The following VIPAS39 variants were observed in gnomAD, a reference collection of about 807,000 sequenced individuals.
VIPAS39 encodes the protein spermatogenesis-defective protein 39 homolog.
In VIPAS39, 63 loss-of-function variants were observed where a neutral mutation model predicts 84.7. The ratio of observed to expected loss-of-function variants is 0.74; its 90% CI spans 0.61 to 0.92. VIPAS39 has a LOEUF of 0.92. Among genes scored for constraint, VIPAS39 ranks in the 40% least tolerant of loss-of-function variants. The pLI is 0.00. For synonymous variants in VIPAS39, 192 were observed against 216.5 expected (o/e 0.89, Z 0.99); for missense variants, 499 against 604.5 (o/e 0.83, Z 1.83).
rs2078727902 is a variant in VIPAS39 at position 77,443,103 on chromosome 14, T to C, written c.631+16A>G. The C allele has an allele frequency of 6.2e-7, 1 of 1,614,116 alleles. No homozygotes were observed. Among genetic ancestry groups the C allele is most frequent in the Admixed American group, 1.7e-5 (1 of 60,012 alleles). ...GACACCTTGCTGACTGAAGATTTCC[T>C]GCAAGCCATTCTCACCTTTGCTCAG... On this transcript the variant is annotated intron_variant, in intron 9 of 19. Coordinates refer to ENST00000557658, the MANE Select transcript of VIPAS39 (RefSeq NM_001193315.2).
chr14:77,433,264 A>T (rs2078552079), intron 16 of VIPAS39, among the ~76,000 whole-genome samples: 2 of 151,944 alleles, frequency 1.3e-5, no homozygotes, highest in African/African-American at 4.8e-5. Context: ...GCAATGGTGC[A>T]ATCTTGGCTC....
chr14:77,442,535 T>C, intron 10 of VIPAS39, 25 bp downstream of exon 10: 1 of 1,589,080 alleles, frequency 6.3e-7, no homozygotes, highest in Non-Finnish European at 8.6e-7. Context: ...TACTAAACTT[T>C]ATAGACCAGA....
At chr14:77,448,625 A>G in intron 6 of VIPAS39, 75 bp from the exon 7 acceptor site, 1 of 1,482,540 alleles carries the variant, frequency 6.7e-7, no homozygotes, top group Non-Finnish European at 9.4e-7. Flanking sequence ...CCTCAACTCA[A>G]ACTCAGTCTT....
At position 77,453,302 on chromosome 14, in the gene VIPAS39, C is replaced by T. The variant is rs1465196978; in HGVS notation, c.193G>A (p.Gly65Arg). Reference protein sequence around the residue: ...ERVSWSGEPVGSISWSIRETA... With the variant: ...ERVSWSGEPVRSISWSIRETA... ...GCCTAGGGACTCTTCTACTTACTTC[C>T]CACAGGTTCCCCACTCCAGCTGACT... Residue 65 changes from glycine (G) to arginine (R), a missense_variant, in exon 3 of 20, where the codon GGA becomes AGA. Transcript: ENST00000557658. 3.7e-6 allele frequency: 6 copies of T among 1,613,956 alleles called. No homozygotes were observed. The highest frequency in any genetic ancestry group is 4.2e-6 in the Non-Finnish European group (5 of 1,179,982).
intron 7 of VIPAS39, among the ~76,000 whole-genome samples, chr14:77,446,220 T>C (rs1482215608): frequency 1.3e-5 from 2 of 152,332 alleles, no homozygotes; most frequent in South Asian, 4.1e-4. Context: ...GCTTTAACAA[T>C]TAATTTACAT....
Position 77,443,121 on chromosome 14 carries a change from T to C in VIPAS39, c.629A>G (p.Lys210Arg), listed in dbSNP as rs1428434986. ...GATTTCCTGCAAGCCATTCTCACCTTTGCTCAGTGTCCTCTTCAGGAAAAT... is the reference window on the plus strand; with the variant it reads ...GATTTCCTGCAAGCCATTCTCACCTCTGCTCAGTGTCCTCTTCAGGAAAAT... ...VLIFLKRTLS[K>R]EILFRELEVR... The change falls in exon 9 of 20, where the codon AAA (lysine) becomes AGA (arginine). Residue 210 changes from lysine to arginine, a missense_variant and splice_region_variant. Transcript: ENST00000557658. 3 of 1,614,114 alleles carry C rather than the reference T, an allele frequency of 1.9e-6. No homozygotes were observed. Among genetic ancestry groups the C allele is most frequent in the Non-Finnish European group, 2.5e-6 (3 of 1,180,048 alleles).
At chr14:77,449,653 C>T in intron 5 of VIPAS39, 61 bp downstream of exon 5, 1 of 1,604,358 alleles carries the variant, frequency 6.2e-7, no homozygotes, top group Non-Finnish European at 8.5e-7. Context: ...CCCATAACTC[C>T]CCAGACTGTA....
At chr14:77,430,740 G>C (rs553910976) in intron 16 of VIPAS39, among the ~76,000 whole-genome samples, 3 of 107,914 alleles carry the variant, frequency 2.8e-5, no homozygotes, top group East Asian at 1.9e-4. Context: ...AAAAAAAAAG[G>C]GGGGGTAGGG....
chr14:77,457,433 C>T (rs2139924326), intron 1 of VIPAS39, 62 bp downstream of exon 1: 1 of 1,530,472 alleles, frequency 6.5e-7, no homozygotes, highest in Non-Finnish European at 8.8e-7. Context: ...GGGAAAAGAT[C>T]AAGATGCGGA....
chr14:77,431,661 C>T (rs1256330591), intron 16 of VIPAS39, among the ~76,000 whole-genome samples: 1 of 151,854 alleles, frequency 6.6e-6, no homozygotes, highest in African/African-American at 2.4e-5. Context: ...CAGAGTGAGA[C>T]CCTCTCTCAA....
intron 7 of VIPAS39, among the ~76,000 whole-genome samples, chr14:77,446,658 T>C (rs1482544795): frequency 6.6e-6 from 1 of 152,148 alleles, no homozygotes; most frequent in East Asian, 1.9e-4. Flanking sequence ...GAGAACAACA[T>C]TGAAGGTTGA....
intron 19 of VIPAS39, among the ~76,000 whole-genome samples, chr14:77,428,017 G>T (rs1010376433): frequency 6.6e-6 from 1 of 151,994 alleles, no homozygotes; most frequent in East Asian, 1.9e-4. Context: ...ATTTTCAACT[G>T]GTAGGTCCCA....
intron 4 of VIPAS39, 146 bp from the exon 5 acceptor site, chr14:77,449,898 C>T (rs896710416): frequency 1.0e-6 from 1 of 982,328 alleles, no homozygotes; most frequent in African/African-American, 1.6e-5. Flanking sequence ...CTGTAGAAAT[C>T]TGAAGTGCCA....
chr14:77,442,703 C>G (rs1315592450), intron 9 of VIPAS39, 41 bp from the exon 10 acceptor site: 1 of 1,573,140 alleles, frequency 6.4e-7, no homozygotes, highest in Non-Finnish European at 8.7e-7. Context: ...AGATTAAAGC[C>G]AATTAGTCAA....
At chr14:77,443,533 G>A (rs568338238) in intron 8 of VIPAS39, among the ~76,000 whole-genome samples, 192 of 151,992 alleles carry the variant, frequency 1.3e-3, no homozygotes, top group Non-Finnish European at 2.2e-3. Flanking sequence ...GAGATTACTT[G>A]AGCCCAGGAG....
chr14:77,454,776 G>A (rs2078936674), intron 1 of VIPAS39, among the ~76,000 whole-genome samples: 1 of 151,652 alleles, frequency 6.6e-6, no homozygotes, highest in Non-Finnish European at 1.5e-5. Flanking sequence ...GCAGGCAAAT[G>A]TTATAAGAAT....
In VIPAS39 at chr14:77,426,781, G is replaced by A. The variant is rs530051915; in HGVS notation, c.*835C>T. Reference sequence around the variant, plus strand: ...ATATTGGTACAGAGCAAGAATCCAAGTGTGAAAATAAAACCTCCATCTAAA... The same window carrying A: ...ATATTGGTACAGAGCAAGAATCCAAATGTGAAAATAAAACCTCCATCTAAA... On this transcript the variant is annotated 3_prime_UTR_variant, in exon 20 of 20. Coordinates refer to ENST00000557658, the MANE Select transcript of VIPAS39 (RefSeq NM_001193315.2). 3.3e-5 allele frequency: 5 copies of A among 152,368 alleles called. No individual in the cohort carries two copies. In the East Asian group the frequency reaches 7.7e-4, roughly 23 times the overall value. 9.4% of individuals were successfully genotyped at this position (152,368 alleles called of 1,614,324 possible).
chr14:77,436,499 C>T (rs2078613635), intron 12 of VIPAS39, among the ~76,000 whole-genome samples: 1 of 152,178 alleles, frequency 6.6e-6, no homozygotes, highest in African/African-American at 2.4e-5. Context: ...GGCTGGAGTG[C>T]AGTGGCATGA....
chr14:77,437,250 C>A (rs906705087), intron 12 of VIPAS39, among the ~76,000 whole-genome samples: 4 of 152,142 alleles, frequency 2.6e-5, no homozygotes, highest in Non-Finnish European at 5.9e-5. Context: ...GAAGCACTTT[C>A]CAATAACGAA....
Sources: gnomAD v4.1 joint callset for allele counts (sites outside exome capture counted in the v4.1 genomes callset) on GRCh38, gnomAD v4.1.1 for gene constraint, MANE v1.5 for transcripts, NCBI Gene and HGNC (gene_info 2026-07-23, HGNC 2026-07-21) for gene names.